Variants in PSCA observed in about 807,000 individuals in gnomAD.
PSCA encodes prostate stem cell antigen.
PSCA carries 7 observed loss-of-function variants against 7.9 expected under a neutral mutation model. The observed-to-expected ratio is 0.89, with a 90% confidence interval of 0.51 to 1.67. The LOEUF (loss-of-function observed/expected upper bound fraction) is 1.67, where lower values mean the gene tolerates loss of function less well. PSCA is among the 40% of genes most tolerant of loss of function. PSCA has a pLI of 0.00. For missense variants in PSCA, 151 were observed against 147.9 expected (o/e 1.02, Z -0.11); for synonymous variants, 61 against 68.3 (o/e 0.89, Z 0.53).
rs746595298 is a variant in PSCA, at chr8:142,682,284, C to T, written c.*152C>T. On this transcript the variant is annotated 3_prime_UTR_variant, in exon 3 of 3. Coordinates refer to ENST00000301258, the MANE Select transcript of PSCA (RefSeq NM_005672.5). The stretch of plus-strand genomic sequence containing the variant: ...CATGTATGTCTGCGCCCCTGTCCCC[C>T]ACCCTGACCCTCCCATGGCCCTCTC... 2 of 946,754 alleles carry T rather than the reference C, an allele frequency of 2.1e-6. No individual in the cohort carries two copies. Among genetic ancestry groups the T allele is most frequent in the Non-Finnish European group, 3.3e-6 (2 of 608,868 alleles). 58.6% of individuals were successfully genotyped at this position (946,754 alleles called of 1,614,324 possible).
intron 2 of PSCA, 125 bp from the exon 3 acceptor site, chr8:142,681,796 C>A (rs1814645438): frequency 2.7e-6 from 2 of 729,934 alleles, no homozygotes; most frequent in South Asian, 1.9e-5. Context: ...GCACTGCTTG[C>A]AATCCTGAGG....
chr8:142,672,888 T>G (rs1587542139), intron 1 of PSCA, among the ~76,000 whole-genome samples: 1 of 152,280 alleles, frequency 6.6e-6, no homozygotes, highest in Admixed American at 6.5e-5. Context: ...ACATATGGCG[T>G]GGGGAAGGCT....
chr8:142,677,870 G>C (rs587729919), upstream of PSCA, among the ~76,000 whole-genome samples: 8 of 152,276 alleles, frequency 5.3e-5, no homozygotes, highest in East Asian at 1.2e-3. Context: ...CCATGGAAAA[G>C]AGCCCAACCC....
intron 1 of PSCA, among the ~76,000 whole-genome samples, chr8:142,674,924 G>C (rs1279575310): frequency 6.6e-6 from 1 of 152,252 alleles, no homozygotes; most frequent in Non-Finnish European, 1.5e-5. Context: ...TGGGCCACAA[G>C]GCCACGCCGG....
At chr8:142,672,886 C>T (rs1587542127) in intron 1 of PSCA, among the ~76,000 whole-genome samples, 2 of 152,222 alleles carry the variant, frequency 1.3e-5, no homozygotes, top group East Asian at 3.9e-4. Flanking sequence ...TTACATATGG[C>T]GTGGGGAAGG....
chr8:142,671,677 G>C (rs1182771124), intron 1 of PSCA, among the ~76,000 whole-genome samples: 1 of 152,104 alleles, frequency 6.6e-6, no homozygotes, highest in Non-Finnish European at 1.5e-5. Context: ...TCAACCCCCA[G>C]AGTAGCTGGG....
upstream of PSCA, chr8:142,676,326 A>G (rs375397755): frequency 7.9e-5 from 12 of 152,294 alleles, no homozygotes; most frequent in African/African-American, 2.9e-4. Flanking sequence ...GATGTTTCAC[A>G]GTGGAGGACG....
chr8:142,681,821 C>G, intron 2 of PSCA, 100 bp from the exon 3 acceptor site: 1 of 858,358 alleles, frequency 1.2e-6, no homozygotes, highest in East Asian at 2.7e-5. Flanking sequence ...CCCAGGGGGA[C>G]TCTAGAGCAT....
At chr8:142,677,255 G>C (rs937375381), upstream of PSCA, among the ~76,000 whole-genome samples, 1 of 152,194 alleles carries the variant, frequency 6.6e-6, no homozygotes, top group Non-Finnish European at 1.5e-5. Flanking sequence ...CCATGACCAC[G>C]GGGCCATCCT....
At chr8:142,680,324 G>A (rs892646078), upstream of PSCA, 4 of 605,458 alleles carry the variant, frequency 6.6e-6, no homozygotes, top group East Asian at 2.8e-5. Flanking sequence ...TCCTCCAGAG[G>A]TGGAAAGAAG....
chr8:142,680,529 T>C lies in PSCA; in HGVS notation c.-10T>C. The C allele has an allele frequency of 6.4e-7, 1 of 1,554,048 alleles. No individual in the cohort carries two copies. The highest frequency in any genetic ancestry group is 8.7e-7 in the Non-Finnish European group (1 of 1,148,244). Reference sequence around the variant, plus strand: ...CAGTGACCACGAAGGCTGTGCTGCTTGCCCTGTTGATGGCAGGCTTGGCCC... The same window carrying C: ...CAGTGACCACGAAGGCTGTGCTGCTCGCCCTGTTGATGGCAGGCTTGGCCC... On this transcript the variant is annotated 5_prime_UTR_variant, in exon 1 of 3. Transcript: ENST00000301258.
chr8:142,679,121 A>G (rs1554638073), upstream of PSCA, among the ~76,000 whole-genome samples: 1 of 152,172 alleles, frequency 6.6e-6, no homozygotes, highest in East Asian at 1.9e-4. Context: ...CCACTCTCTC[A>G]TCTCCTGCCT....
At position 142,681,434 on chromosome 8, in the gene PSCA, CGT is replaced by C; in HGVS notation, c.133+2_133+3del. ...GGAGCAGTGCTGGACCGCGCGCATC[CGT>C]GAGTGGGGGGACGACAGCCGCCAGG... is the stretch of plus-strand genomic sequence containing the variant. On this transcript the variant is annotated splice_donor_variant, in intron 2 of 2. Transcript: ENST00000301258. LOFTEE classifies it high-confidence loss of function. 1 of 1,585,470 alleles carries C rather than the reference CGT, an allele frequency of 6.3e-7. No individual in the cohort carries two copies. The highest frequency in any genetic ancestry group is 2.3e-5 in the East Asian group (1 of 43,322).
chr8:142,677,992 C>G (rs782640186), upstream of PSCA, among the ~76,000 whole-genome samples: 6 of 152,022 alleles, frequency 3.9e-5, no homozygotes, highest in South Asian at 1.0e-3. Flanking sequence ...CCAGGGAGGT[C>G]GGGTCTTGCA....
In PSCA at chr8:142,681,626, T is replaced by C. The variant is rs1587547782; in HGVS notation, c.133+192T>C. On this transcript the variant is annotated intron_variant, in intron 2 of 2. Transcript: ENST00000301258. The stretch of plus-strand genomic sequence containing the variant: ...CCTCCATCTGCCACTCCTCCACTCA[T>C]CTGTCCCTCCCCATCCTCCATCTTC... 3 of 632,940 alleles carry C rather than the reference T, an allele frequency of 4.7e-6. No homozygotes were observed. The East Asian group carries it at 8.2e-5, about 17-fold the overall frequency. The allele number at this position is 632,940 out of a possible 1,614,324, so 39.2% of individuals were successfully genotyped here.
At chr8:142,680,704 C>A in intron 1 of PSCA, 141 bp downstream of exon 1, 2 of 1,182,844 alleles carry the variant, frequency 1.7e-6, no homozygotes, top group Non-Finnish European at 2.4e-6. Context: ...CCCTAGCCTC[C>A]GCTCCTCCAG....
At chr8:142,680,032 C>G (rs1317684642), upstream of PSCA, 1 of 156,492 alleles carries the variant, frequency 6.4e-6, no homozygotes, top group Non-Finnish European at 1.4e-5. Flanking sequence ...CTGTCCTTTG[C>G]AGCACCTGCT....
intron 2 of PSCA, 166 bp from the exon 3 acceptor site, chr8:142,681,755 G>T: frequency 1.6e-6 from 1 of 625,672 alleles, no homozygotes; most frequent in Non-Finnish European, 2.8e-6. Context: ...CATCTGGATA[G>T]GGCTGAGACC....
At position 142,673,119 on chromosome 8, in the gene PSCA, C is replaced by T. The variant is rs939398606; in HGVS notation, n.261+2551C>T. Among the ~76,000 whole-genome samples the T allele has an allele frequency of 3.3e-5, 5 of 152,214 alleles. No individual in the cohort carries two copies. The highest frequency in any genetic ancestry group is 1.2e-4 in the African/African-American group (5 of 41,458). On this transcript the variant is annotated intron_variant and non_coding_transcript_variant, in intron 1 of 1. Coordinates refer to the PSCA transcript ENST00000505305. The surrounding 1 kb of genome is among the most constrained non-coding windows in gnomAD (Gnocchi z 4.6). ...GTCTTATGTTTGCGGCTCGATTTTA[C>T]AGGCTGCTCTTTGTTAGAAAAGAAA...
Sources: gnomAD v4.1 joint callset for allele counts (sites outside exome capture counted in the v4.1 genomes callset) on GRCh38, gnomAD v4.1.1 for gene constraint, Gnocchi (gnomAD v3.1) non-coding constraint, MANE v1.5 for transcripts, NCBI Gene and HGNC (gene_info 2026-07-23, HGNC 2026-07-21) for gene names.